PAX5: variants seen among roughly 807,000 people sequenced by gnomAD.
The protein encoded by PAX5 is paired box protein Pax-5.
Under a neutral mutation model 43.7 loss-of-function variants are expected in PAX5, and 9 were observed. The observed-to-expected ratio is 0.21, with a 90% CI of 0.12 to 0.36. The LOEUF is 0.36. Ranked by LOEUF, PAX5 falls within the 10% of genes least tolerant of loss-of-function variation. The probability of loss-of-function intolerance (pLI) is 1.00; values close to 1 mark genes in which losing one functional copy is unlikely to be tolerated. For synonymous variants in PAX5, 228 were observed against 214.3 expected (o/e 1.06, Z -0.56); for missense variants, 383 against 532.7 (o/e 0.72, Z 2.77).
chr9:36,965,533 C>T (rs1479559576), intron 6 of PAX5, among the ~76,000 whole-genome samples: 1 of 152,240 alleles, frequency 6.6e-6, no homozygotes, highest in Non-Finnish European at 1.5e-5. Flanking sequence ...CTGCTCTTCC[C>T]TCACCACACG....
chr9:36,926,773 A>G (rs533704262), intron 6 of PAX5, among the ~76,000 whole-genome samples: 10 of 152,202 alleles, frequency 6.6e-5, no homozygotes, highest in South Asian at 2.1e-4. Flanking sequence ...CATTCGTTCA[A>G]CCTTTACTGA....
chr9:36,840,384 CGGCCCCACCAAA>C lies in PAX5; in HGVS notation c.*164_*175del. ...AATAGACAAGCATCCAGAAGTCCAA[CGGCCCCACCAAA>C]GGGCCCCAGAGTCCCTGGAGGAAGA... On this transcript the variant is annotated 3_prime_UTR_variant, in exon 10 of 10. Coordinates refer to ENST00000358127, the MANE Select transcript of PAX5 (RefSeq NM_016734.3). 3.0e-6 allele frequency: 2 copies of C among 669,260 alleles called. No homozygotes were observed. Among genetic ancestry groups the C allele is most frequent in the Admixed American group, 4.9e-5 (2 of 40,756 alleles). 41.5% of individuals were successfully genotyped at this position (669,260 alleles called of 1,614,324 possible).
Position 36,908,902 on chromosome 9 carries a change from T to A in PAX5, c.910+14453A>T, listed in dbSNP as rs569053987. On this transcript the variant is annotated intron_variant, in intron 7 of 9. Transcript: ENST00000358127. ...GGAGTACTTTCCACTGAAATTATTT[T>A]TTTAATTGATGCTACACTTTACACA... Among the ~76,000 whole-genome samples the A allele has an allele frequency of 4.6e-5, 7 of 152,380 alleles. No homozygotes were observed. In the South Asian group the frequency reaches 1.4e-3, roughly 32 times the overall value.
chr9:36,888,596 G>A (rs78821715), intron 7 of PAX5, among the ~76,000 whole-genome samples: 2,758 of 152,288 alleles, frequency 0.018, 34 homozygotes, highest in Middle Eastern at 0.065. Context: ...AGGTAGATTC[G>A]TGATTGCCTA....
intron 5 of PAX5, among the ~76,000 whole-genome samples, chr9:36,986,938 G>GC (rs1340194476): frequency 6.6e-6 from 1 of 152,198 alleles, no homozygotes; most frequent in Non-Finnish European, 1.5e-5. Flanking sequence ...TCCAGCCCAT[G>GC]CCCAGTGCCT....
chr9:36,976,555 G>A (rs1193221963), intron 5 of PAX5, among the ~76,000 whole-genome samples: 1 of 152,134 alleles, frequency 6.6e-6, no homozygotes, highest in African/African-American at 2.4e-5. Context: ...TTGGTAGCCT[G>A]GAACAAAAAC....
chr9:36,851,995 A>G (rs1823207692), intron 8 of PAX5, among the ~76,000 whole-genome samples: 1 of 152,194 alleles, frequency 6.6e-6, no homozygotes, highest in Admixed American at 6.5e-5. Flanking sequence ...TCCTCTTCCA[A>G]GCTGTGTGGC....
At chr9:36,845,118 A>G (rs867508783) in intron 9 of PAX5, among the ~76,000 whole-genome samples, 5 of 152,126 alleles carry the variant, frequency 3.3e-5, no homozygotes, top group Non-Finnish European at 5.9e-5. Context: ...CTGGGCCACT[A>G]TGGCCTCCTT....
chr9:36,926,840 C>T (rs1830679675), intron 6 of PAX5, among the ~76,000 whole-genome samples: 1 of 152,182 alleles, frequency 6.6e-6, no homozygotes, highest in Non-Finnish European at 1.5e-5. Context: ...GACCCTCACC[C>T]ACAAACACCA....
chr9:36,978,248 T>C (rs1265706406), intron 5 of PAX5, among the ~76,000 whole-genome samples: 2 of 152,226 alleles, frequency 1.3e-5, no homozygotes, highest in Non-Finnish European at 1.5e-5. Flanking sequence ...TAGTCCCTAA[T>C]TACTCCACCT....
At chr9:36,865,267 C>T (rs962610930) in intron 8 of PAX5, among the ~76,000 whole-genome samples, 1 of 152,164 alleles carries the variant, frequency 6.6e-6, no homozygotes, top group Non-Finnish European at 1.5e-5. Flanking sequence ...AGTCAGCAAC[C>T]CTCAGCTTCT....
At chr9:36,943,433 C>CG (rs1261832891) in intron 6 of PAX5, among the ~76,000 whole-genome samples, 1 of 151,672 alleles carries the variant, frequency 6.6e-6, no homozygotes, top group Non-Finnish European at 1.5e-5. Context: ...ACGTTACTTT[C>CG]GAAAATCAGA....
rs1821671113 is a variant in PAX5 at position 36,836,744 on chromosome 9, A to T, written c.*3816T>A. On this transcript the variant is annotated 3_prime_UTR_variant, in exon 10 of 10. Coordinates refer to ENST00000358127, the MANE Select transcript of PAX5 (RefSeq NM_016734.3). ...CTTGGGCACTCCTGCATACTGTCACAGCCAGGCCTGGAGCCTGTTCCAAAG... is the reference window on the plus strand; with the variant it reads ...CTTGGGCACTCCTGCATACTGTCACTGCCAGGCCTGGAGCCTGTTCCAAAG... 1 of 231,918 alleles carries T rather than the reference A, an allele frequency of 4.3e-6. No homozygotes were observed. The highest frequency in any genetic ancestry group is 6.1e-5 in the East Asian group (1 of 16,428). 14.4% of individuals were successfully genotyped at this position (231,918 alleles called of 1,614,324 possible).
chr9:37,017,116 C>G (rs1225302952), intron 2 of PAX5, among the ~76,000 whole-genome samples: 1 of 152,224 alleles, frequency 6.6e-6, no homozygotes, highest in Non-Finnish European at 1.5e-5. Flanking sequence ...TCAAGGCACA[C>G]AGCAATCTCT....
intron 8 of PAX5, among the ~76,000 whole-genome samples, chr9:36,879,075 T>A (rs1442898696): frequency 6.6e-6 from 1 of 152,224 alleles, no homozygotes; most frequent in Non-Finnish European, 1.5e-5. Flanking sequence ...GTTTCCTCCC[T>A]CCACACTCGT....
chr9:36,895,230 G>T (rs571477815), intron 7 of PAX5, among the ~76,000 whole-genome samples: 1 of 152,212 alleles, frequency 6.6e-6, no homozygotes, highest in African/African-American at 2.4e-5. Context: ...CCTCTGGAGC[G>T]GTTCACCCCA....
rs1841308241 is a variant in PAX5, at chr9:37,034,113, T to TTC, written c.-83_-82insGA. 1 of 841,100 alleles carries TTC rather than the reference T, an allele frequency of 1.2e-6. No individual in the cohort carries two copies. The highest frequency in any genetic ancestry group is 1.8e-6 in the Non-Finnish European group (1 of 546,562). 52.1% of individuals were successfully genotyped at this position (841,100 alleles called of 1,614,324 possible). On this transcript the variant is annotated 5_prime_UTR_variant, in exon 1 of 10. Transcript: ENST00000358127. ...CTTTTTTTTTCTTTTTTTTTTTTTT[T>TTC]TTTTTTTTTTTTTGGTGCCAGGGGC... is the stretch of plus-strand genomic sequence containing the variant.
intron 5 of PAX5, among the ~76,000 whole-genome samples, chr9:36,969,370 G>C (rs1465062725): frequency 2.0e-5 from 3 of 152,116 alleles, no homozygotes; most frequent in African/African-American, 4.8e-5. Context: ...TCTCCCCCGG[G>C]ACTCATGGGC....
At chr9:36,973,598 G>C (rs1835162175) in intron 5 of PAX5, among the ~76,000 whole-genome samples, 1 of 152,152 alleles carries the variant, frequency 6.6e-6, no homozygotes, top group African/African-American at 2.4e-5. Context: ...TGAGAGCAGT[G>C]GTTCCTGCCT....
Sources: gnomAD v4.1 joint callset for allele counts (sites outside exome capture counted in the v4.1 genomes callset) on GRCh38, gnomAD v4.1.1 for gene constraint, MANE v1.5 for transcripts, NCBI Gene and HGNC (gene_info 2026-07-23, HGNC 2026-07-21) for gene names.